The following TAFA4 variants were observed in gnomAD, a reference collection of about 807,000 sequenced individuals.
The protein encoded by TAFA4 is TAFA chemokine like family member 4, also known as chemokine-like protein TAFA-4.
A neutral mutation model predicts 21.1 loss-of-function variants in TAFA4; 20 were observed. The observed-to-expected ratio is 0.95, with a 90% CI of 0.67 to 1.38. The LOEUF is 1.38. Ranked by LOEUF, TAFA4 falls within the 40% of genes most tolerant of loss-of-function variation. TAFA4 has a pLI of 0.00. For synonymous variants in TAFA4, 71 were observed against 67.4 expected, an observed-to-expected ratio of 1.05 and a Z score of -0.26; for missense variants, 211 against 180.9, an observed-to-expected ratio of 1.17 and a Z score of -0.95.
At chr3:68,789,715 G>A (rs1315039485) in intron 3 of TAFA4, among the ~76,000 whole-genome samples, 2 of 152,124 alleles carry the variant, frequency 1.3e-5, no homozygotes, top group East Asian at 3.9e-4. Context: ...TTCGTTCACT[G>A]CCATGTAATT....
chr3:68,798,050 T>A (rs1355643506), intron 3 of TAFA4, among the ~76,000 whole-genome samples: 1 of 152,216 alleles, frequency 6.6e-6, no homozygotes, highest in African/African-American at 2.4e-5. Flanking sequence ...TATATCTTCA[T>A]CCAGCTGTCA....
At chr3:68,841,279 C>T (rs1182193660) in intron 3 of TAFA4, among the ~76,000 whole-genome samples, 1 of 71,990 alleles carries the variant, frequency 1.4e-5, no homozygotes, top group African/African-American at 4.5e-5. Flanking sequence ...GCCGAGATCC[C>T]GCCACTGCAC....
At chr3:68,783,667 CACACACAGAGAGAGAGAGAGAGAG>C (rs1703189289) in intron 3 of TAFA4, among the ~76,000 whole-genome samples, 2 of 93,888 alleles carry the variant, frequency 2.1e-5, no homozygotes, top group East Asian at 2.8e-4. Context: ...CACAGACACA[CACACACAGAGAGAGAGAGAGAGAG>C]AGAGAGAGAG....
Position 68,784,041 on chromosome 3 carries a change from A to G in TAFA4, c.131-31023T>C, listed in dbSNP as rs550846700. Reference sequence around the variant, plus strand: ...AATACATAAAGAGTTTTAAAAATCAATTAAGAAAAGGTTAAGAATCCAAAG... The same window carrying G: ...AATACATAAAGAGTTTTAAAAATCAGTTAAGAAAAGGTTAAGAATCCAAAG... On this transcript the variant is annotated intron_variant, in intron 3 of 5. Transcript: ENST00000295569. 2.0e-5 allele frequency among the ~76,000 whole-genome samples: 3 copies of G among 152,360 alleles called. No homozygotes were observed. The South Asian group carries it at 6.2e-4, about 32-fold the overall frequency.
rs199859402 is a variant in TAFA4 at position 68,743,588 on chromosome 3, AAG to A, written c.287-4391_287-4390del. Among the ~76,000 whole-genome samples, 147 of 146,670 alleles carry A rather than the reference AAG, an allele frequency of 1.0e-3. 13 individuals carry two copies. The highest frequency in any genetic ancestry group is 2.3e-3 in the East Asian group (10 of 4,430). ...AAGACTCTGTCTCAAAAAAAAAAAAAAGAAAAAGTTAAGTTATATTCTTTGCA... is the reference window on the plus strand; with the variant it reads ...AAGACTCTGTCTCAAAAAAAAAAAAAAAAAAGTTAAGTTATATTCTTTGCA... On this transcript the variant is annotated intron_variant, in intron 4 of 5. Coordinates refer to ENST00000295569, the MANE Select transcript of TAFA4 (RefSeq NM_182522.5).
intron 3 of TAFA4, among the ~76,000 whole-genome samples, chr3:68,811,332 C>T (rs9881370): frequency 0.63 from 96,316 of 151,962 alleles, 31,241 homozygotes; most frequent in East Asian, 0.98. Flanking sequence ...AGAATGACTT[C>T]GACAAGCTGA....
intron 5 of TAFA4, among the ~76,000 whole-genome samples, chr3:68,733,535 G>A (rs192909184): frequency 1.2e-3 from 176 of 152,180 alleles, no homozygotes; most frequent in African/African-American, 4.0e-3. Context: ...TAAAAATGTT[G>A]CCTTTTTTAT....
chr3:68,910,528 G>C (rs932604184), intron 1 of TAFA4, among the ~76,000 whole-genome samples: 1 of 152,132 alleles, frequency 6.6e-6, no homozygotes, highest in Non-Finnish European at 1.5e-5. Context: ...AAAGAGAAGC[G>C]AGCCAACCCT....
chr3:68,744,099 A>T (rs1450581432), intron 4 of TAFA4, among the ~76,000 whole-genome samples: 2 of 152,238 alleles, frequency 1.3e-5, no homozygotes, highest in East Asian at 3.8e-4. Flanking sequence ...TTTGTCTTCA[A>T]AACTCTTCCT....
At chr3:68,746,603 A>C (rs984101274) in intron 4 of TAFA4, among the ~76,000 whole-genome samples, 2 of 152,220 alleles carry the variant, frequency 1.3e-5, no homozygotes, top group Non-Finnish European at 2.9e-5. Context: ...TAAGAAAAGA[A>C]GCCATACCAA....
intron 1 of TAFA4, among the ~76,000 whole-genome samples, chr3:68,921,274 T>G (rs1426679087): frequency 6.6e-6 from 1 of 151,958 alleles, no homozygotes; most frequent in Non-Finnish European, 1.5e-5. Context: ...TGCTTGGTGG[T>G]TGCCAATTCT....
At chr3:68,872,115 C>T (rs2089489714) in intron 3 of TAFA4, among the ~76,000 whole-genome samples, 2 of 151,962 alleles carry the variant, frequency 1.3e-5, no homozygotes, top group African/African-American at 4.8e-5. Context: ...TTTATTGCAG[C>T]CATATTTACA....
intron 3 of TAFA4, among the ~76,000 whole-genome samples, chr3:68,814,626 AAGG>A (rs1703921938): frequency 6.6e-6 from 1 of 152,242 alleles, no homozygotes; most frequent in Admixed American, 6.5e-5. Flanking sequence ...GGACCTCTTC[AAGG>A]AGAACTACAA....
In TAFA4 at chr3:68,827,832, G is replaced by C. The variant is rs147493321; in HGVS notation, c.130+52898C>G. Among the ~76,000 whole-genome samples, 1,045 of 152,254 alleles carry C rather than the reference G, an allele frequency of 6.9e-3. 13 individuals carry two copies. Among genetic ancestry groups the C allele is most frequent in the African/African-American group, 0.024 (1,008 of 41,548 alleles). On this transcript the variant is annotated intron_variant, in intron 3 of 5. Coordinates refer to ENST00000295569, the MANE Select transcript of TAFA4 (RefSeq NM_182522.5). ...AAAATGTTCTCCCATTCTGTAGGTTGCCTGTTCACTCTGATGATAGTTTCT... is the reference window on the plus strand; with the variant it reads ...AAAATGTTCTCCCATTCTGTAGGTTCCCTGTTCACTCTGATGATAGTTTCT...
chr3:68,820,235 T>A (rs938519240), intron 3 of TAFA4, among the ~76,000 whole-genome samples: 1 of 152,188 alleles, frequency 6.6e-6, no homozygotes, highest in Non-Finnish European at 1.5e-5. Flanking sequence ...CTAAAAATGT[T>A]GAACTCATAG....
rs569084744 is a variant in TAFA4, at chr3:68,789,185, C to T, written c.131-36167G>A. 1.7e-4 allele frequency among the ~76,000 whole-genome samples: 25 copies of T among 150,768 alleles called. 1 individual carries two copies. In the South Asian group the frequency reaches 4.4e-3, roughly 27 times the overall value. On this transcript the variant is annotated intron_variant, in intron 3 of 5. Coordinates refer to ENST00000295569, the MANE Select transcript of TAFA4 (RefSeq NM_182522.5). ...GGCAGAGCTTACAGTGAGCTGGGAT[C>T]GCGCCACTGCACTCCAGCCTGGGCG...
intron 3 of TAFA4, among the ~76,000 whole-genome samples, chr3:68,808,137 A>G (rs1703744008): frequency 6.6e-6 from 1 of 152,166 alleles, no homozygotes; most frequent in South Asian, 2.1e-4. Flanking sequence ...AAGATAGAAA[A>G]GAAAAGAAAG....
At chr3:68,752,724 T>G in intron 4 of TAFA4, 139 bp downstream of exon 4, 1 of 928,434 alleles carries the variant, frequency 1.1e-6, no homozygotes, top group Non-Finnish European at 1.7e-6. Context: ...TGGAGTTGTA[T>G]TTATGTACAT....
At chr3:68,765,029 T>C (rs1438054093) in intron 3 of TAFA4, among the ~76,000 whole-genome samples, 1 of 152,044 alleles carries the variant, frequency 6.6e-6, no homozygotes, top group African/African-American at 2.4e-5. Flanking sequence ...AGCAGTGAAA[T>C]TGCTTGGGTT....
Sources: gnomAD v4.1 joint callset for allele counts (sites outside exome capture counted in the v4.1 genomes callset) on GRCh38, gnomAD v4.1.1 for gene constraint, MANE v1.5 for transcripts, NCBI Gene and HGNC (gene_info 2026-07-23, HGNC 2026-07-21) for gene names.